THAP5: variants seen among roughly 807,000 people sequenced by gnomAD.
THAP5 encodes the protein THAP domain containing 5.
In THAP5, 26 loss-of-function variants were observed where a neutral mutation model predicts 34.0. The ratio of observed to expected loss-of-function variants is 0.77; its 90% confidence interval spans 0.56 to 1.06. THAP5 has a LOEUF of 1.06. Ranked by LOEUF, THAP5 falls within the 50% of genes least tolerant of loss-of-function variation. The pLI is 0.00. For synonymous variants in THAP5, 125 were observed against 153.0 expected (o/e 0.82, Z 1.35); for missense variants, 394 against 452.8 (o/e 0.87, Z 1.18).
the THAP5 span, among the ~76,000 whole-genome samples, chr7:108,545,493 A>G: frequency 6.6e-6 from 1 of 152,248 alleles, no homozygotes; most frequent in Non-Finnish European, 1.5e-5. Context: ...TAGGAATAAT[A>G]TATCTGTGAA....
At chr7:108,560,759 G>T (rs1667391388), downstream of THAP5, among the ~76,000 whole-genome samples, 1 of 152,062 alleles carries the variant, frequency 6.6e-6, no homozygotes, top group African/African-American at 2.4e-5. Flanking sequence ...TTTTTCTTTT[G>T]TGACAGGGTC....
intron 1 of THAP5, among the ~76,000 whole-genome samples, chr7:108,556,556 A>T (rs1864387239): frequency 6.6e-6 from 1 of 152,218 alleles, no homozygotes; most frequent in Admixed American, 6.5e-5. Flanking sequence ...GCTCTGAAAC[A>T]ATCTCTTTTG....
exon 2 of THAP5, chr7:108,554,825 C>A (rs919179012): frequency 2.6e-5 from 4 of 152,194 alleles, no homozygotes; most frequent in Admixed American, 2.0e-4. Context: ...GTATGTCCCC[C>A]TTCTCAACAC....
At chr7:108,558,417 A>G (rs1258417879), downstream of THAP5, among the ~76,000 whole-genome samples, 1 of 139,688 alleles carries the variant, frequency 7.2e-6, no homozygotes, top group Non-Finnish European at 1.5e-5. Flanking sequence ...ATATATATTT[A>G]GACAGAGTCT....
downstream of THAP5, among the ~76,000 whole-genome samples, chr7:108,551,373 T>C (rs1358310547): frequency 6.6e-6 from 1 of 152,190 alleles, no homozygotes; most frequent in Non-Finnish European, 1.5e-5. Context: ...AAGAATGTGT[T>C]CCCTCTCTTT....
chr7:108,554,720 G>A (rs957717745), exon 2 of THAP5: 4 of 152,086 alleles, frequency 2.6e-5, no homozygotes. Context: ...GAAGTGTACT[G>A]TCACTTTTTC....
chr7:108,552,686 G>A (rs1454576516), downstream of THAP5, among the ~76,000 whole-genome samples: 1 of 152,172 alleles, frequency 6.6e-6, no homozygotes. Flanking sequence ...TGTAATCCCA[G>A]CTACTCGGGA....
the THAP5 span, among the ~76,000 whole-genome samples, chr7:108,548,748 T>C: frequency 1.3e-5 from 2 of 152,158 alleles, no homozygotes; most frequent in African/African-American, 4.8e-5. Context: ...ATGAGACTTA[T>C]TCACTATCAT....
At position 108,564,718 on chromosome 7, in the gene THAP5, T is replaced by C. The variant is rs767621534; in HGVS notation, c.661A>G (p.Thr221Ala). ...GTAGTTACTTCAAGAACTTCTTGAGTTTCCAAAGATTGATGAATACTTTCT... is the reference window on the plus strand; with the variant it reads ...GTAGTTACTTCAAGAACTTCTTGAGCTTCCAAAGATTGATGAATACTTTCT... The part of the protein sequence containing the change: ...NSESIHQSLE[T>A]QEVLEVTTSH... The change falls in exon 3 of 3, where the codon ACT becomes GCT. Residue 221 changes from threonine (T) to alanine (A), a missense_variant. Transcript: ENST00000415914. 5 of 1,613,582 alleles carry C rather than the reference T, an allele frequency of 3.1e-6. No individual in the cohort carries two copies. Among genetic ancestry groups the C allele is most frequent in the Non-Finnish European group, 4.2e-6 (5 of 1,179,856 alleles).
chr7:108,550,520 T>A (rs2154517798), downstream of THAP5, among the ~76,000 whole-genome samples: 1 of 152,268 alleles, frequency 6.6e-6, no homozygotes, highest in East Asian at 1.9e-4. Context: ...GGATATTGAG[T>A]CTCCTGGATC....
chr7:108,548,005 C>G, the THAP5 span, among the ~76,000 whole-genome samples: 1 of 152,176 alleles, frequency 6.6e-6, no homozygotes, highest in Non-Finnish European at 1.5e-5. Flanking sequence ...ATCCAATGAG[C>G]CTCCTAAAAG....
chr7:108,565,081 A>T lies in THAP5; in HGVS notation c.298T>A (p.Ser100Thr). Reference sequence around the variant, plus strand: ...TCATCTTCCAAGTTTTTCTTCTGGGATTTTTTTTTAGAAGGGTCTTTTCCC... The same window carrying T: ...TCATCTTCCAAGTTTTTCTTCTGGGTTTTTTTTTTAGAAGGGTCTTTTCCC... ...NQGKDPSKKK[S>T]QKKNLEDEKE... The change falls in exon 3 of 3, where the codon TCC becomes ACC. Residue 100 changes from serine (S) to threonine (T), a missense_variant. Coordinates refer to ENST00000415914, the MANE Select transcript of THAP5 (RefSeq NM_001130475.3). The T allele has an allele frequency of 1.3e-6, 2 of 1,507,674 alleles. No individual in the cohort carries two copies. The highest frequency in any genetic ancestry group is 1.8e-6 in the Non-Finnish European group (2 of 1,129,040). 93.4% of individuals were successfully genotyped at this position (1,507,674 alleles called of 1,614,324 possible).
rs936786294 is a variant in THAP5 at position 108,569,557 on chromosome 7, A to G, written c.13T>C (p.Cys5Arg). 1.9e-6 allele frequency: 3 copies of G among 1,551,682 alleles called. No individual in the cohort carries two copies. The highest frequency in any genetic ancestry group is 2.0e-5 in the Admixed American group (1 of 51,006). ...CGGTTCTTACAACAAATCGCTGCGCAATAGCGGGGCATGACTCGGGTGAGG... is the reference window on the plus strand; with the variant it reads ...CGGTTCTTACAACAAATCGCTGCGCGATAGCGGGGCATGACTCGGGTGAGG... MPRY[C>R]AAICCKNRRG... is the part of the protein sequence containing the mutation. Residue 5 changes from cysteine (C) to arginine (R), a missense_variant, in exon 1 of 3, where the codon TGC (cysteine) becomes CGC (arginine). Cys to Arg is a radical substitution (Grantham distance 180). Coordinates refer to ENST00000415914, the MANE Select transcript of THAP5 (RefSeq NM_001130475.3).
At chr7:108,545,078 A>T in the THAP5 span, among the ~76,000 whole-genome samples, 3 of 152,200 alleles carry the variant, frequency 2.0e-5, no homozygotes, top group Non-Finnish European at 2.9e-5. Flanking sequence ...TTTTTGTCTT[A>T]TTTAGAAAGA....
the THAP5 span, among the ~76,000 whole-genome samples, chr7:108,546,035 A>G: frequency 2.0e-5 from 3 of 152,166 alleles, no homozygotes; most frequent in Non-Finnish European, 4.4e-5. Flanking sequence ...AGTAATGTAA[A>G]GTTCCCATTA....
At chr7:108,542,870 C>T in the THAP5 span, among the ~76,000 whole-genome samples, 1 of 151,976 alleles carries the variant, frequency 6.6e-6, no homozygotes, top group Non-Finnish European at 1.5e-5. Flanking sequence ...ATATCTGGTG[C>T]CTTGGTGGGA....
chr7:108,546,467 C>T, the THAP5 span, among the ~76,000 whole-genome samples: 6 of 152,168 alleles, frequency 3.9e-5, no homozygotes, highest in Admixed American at 6.5e-5. Flanking sequence ...TTACCCACAC[C>T]GCTGCCCCTG....
At chr7:108,559,755 A>G (rs1237535826), downstream of THAP5, among the ~76,000 whole-genome samples, 2 of 151,760 alleles carry the variant, frequency 1.3e-5, no homozygotes, top group Non-Finnish European at 2.9e-5. Flanking sequence ...TGGTGGCAGG[A>G]GAGAGAGAGA....
the THAP5 span, among the ~76,000 whole-genome samples, chr7:108,543,965 A>T: frequency 4.0e-4 from 61 of 152,332 alleles, no homozygotes; most frequent in African/African-American, 1.4e-3. Flanking sequence ...AAAATATAAA[A>T]AAAATTATGA....
Sources: allele counts gnomAD v4.1 joint callset (sites outside exome capture counted in the v4.1 genomes callset), GRCh38; gene constraint gnomAD v4.1.1; transcripts MANE v1.5; gene names NCBI Gene and HGNC (gene_info 2026-07-23, HGNC 2026-07-21).